Variants in GPR179 observed in about 807,000 individuals in gnomAD.
GPR179 encodes probable G protein-coupled receptor 179.
GPR179 carries 52 observed loss-of-function variants against 70.8 expected under a neutral mutation model. The ratio of observed to expected loss-of-function variants is 0.73; its 90% CI spans 0.59 to 0.93. The LOEUF is 0.93. Among genes scored for constraint, GPR179 ranks in the 40% least tolerant of loss-of-function variants. The pLI is 0.00. For synonymous variants in GPR179, 1,123 were observed against 1,169.0 expected, an observed-to-expected ratio of 0.96 and a Z score of 0.80; for missense variants, 2,734 against 2,966.8, an observed-to-expected ratio of 0.92 and a Z score of 1.82.
chr17:38,337,258 C>T, intron 3 of GPR179, 45 bp from the exon 4 acceptor site: 3 of 1,534,122 alleles, frequency 2.0e-6, no homozygotes, highest in South Asian at 2.4e-5. Context: ...CCAGCTAGAG[C>T]ATCCTGACAT....
In GPR179 at chr17:38,330,620, T is replaced by G. The variant is rs767125512; in HGVS notation, c.2949A>C (p.Pro983=). 1.3e-6 allele frequency: 2 copies of G among 1,579,792 alleles called. No individual in the cohort carries two copies. The highest frequency in any genetic ancestry group is 3.7e-5 in the Admixed American group (2 of 54,652). The change falls in exon 11 of 11, where the codon CCA becomes CCC. Residue 983 remains proline, a synonymous_variant. Transcript: ENST00000616987. ...TGTAGGTGAGTAAGTTGGGGCTTTG[T>G]GGGGATACTGGGACTGGTGCCAGGG... ...APALAPVPVS[P]QSPNLLTYIC...
In GPR179 at chr17:38,333,294, G is replaced by A. The variant is rs2144266965; in HGVS notation, c.1994C>T (p.Ala665Val). The A allele has an allele frequency of 1.1e-5, 18 of 1,614,072 alleles. No homozygotes were observed. Among genetic ancestry groups the A allele is most frequent in the Non-Finnish European group, 1.4e-5 (17 of 1,179,966 alleles). ...CAGGCTGTGCTCACTCCAGGCTGAGGCGATGCTGCTGCCAAGGTAGGAGCC... is the reference window on the plus strand; with the variant it reads ...CAGGCTGTGCTCACTCCAGGCTGAGACGATGCTGCTGCCAAGGTAGGAGCC... The part of the protein sequence containing the change: ...HSGSYLGSSI[A>V]SAWSEHSLDP... Residue 665 changes from alanine (A) to valine (V), a missense_variant, in exon 10 of 11, where the codon GCC becomes GTC. Ala to Val is a moderately conservative substitution (Grantham distance 64). Coordinates refer to ENST00000616987, the MANE Select transcript of GPR179 (RefSeq NM_001004334.4).
At chr17:38,339,664 A>G (rs1567727485) in intron 1 of GPR179, 139 bp from the exon 2 acceptor site, 1 of 639,004 alleles carries the variant, frequency 1.6e-6, no homozygotes. Flanking sequence ...ACTAAAGGAG[A>G]TTAGAAGGGT....
Position 38,327,935 on chromosome 17 carries a change from G to A in GPR179, c.5634C>T (p.Asn1878=). The change falls in exon 11 of 11, where the codon AAC becomes AAT. Residue 1878 remains asparagine, a synonymous_variant. Transcript: ENST00000616987. ...QQQETICIWE[N]KDLRESPAQA... is the part of the protein sequence containing the mutation. ...GAGCAGGGGATTCCCTCAAGTCCTT[G>A]TTCTCCCAAATACAAATAGTTTCCT... The A allele has an allele frequency of 1.9e-6, 3 of 1,614,162 alleles. No homozygotes were observed. The highest frequency in any genetic ancestry group is 2.5e-6 in the Non-Finnish European group (3 of 1,180,036).
At chr17:38,339,990 G>A (rs1423518977) in intron 1 of GPR179, among the ~76,000 whole-genome samples, 1 of 152,238 alleles carries the variant, frequency 6.6e-6, no homozygotes, top group East Asian at 1.9e-4. Flanking sequence ...CAGGCCAAGA[G>A]GAAGCTGAAC....
In GPR179 at chr17:38,343,484, A is replaced by G; in HGVS notation, c.306T>C (p.Leu102=). ...TGTTGAGAAAATTGGCGGCCTGGGCAAGGGTGCCCGCTGCCCCCTGTAGGC... is the reference window on the plus strand; with the variant it reads ...TGTTGAGAAAATTGGCGGCCTGGGCGAGGGTGCCCGCTGCCCCCTGTAGGC... ...PPSLQGAAGT[L]AQAANFLNML... The change falls in exon 1 of 11, where the codon CTT becomes CTC. Residue 102 remains leucine, a synonymous_variant. Transcript: ENST00000616987. This position sits in a 1 kb window ranked among gnomAD's most constrained non-coding sequence, Gnocchi z 4.2. 1 of 1,613,910 alleles carries G rather than the reference A, an allele frequency of 6.2e-7. No homozygotes were observed. The highest frequency in any genetic ancestry group is 8.5e-7 in the Non-Finnish European group (1 of 1,180,010).
chr17:38,337,774 C>G (rs2037419053), intron 2 of GPR179, 54 bp from the exon 3 acceptor site: 2 of 1,498,632 alleles, frequency 1.3e-6, no homozygotes, highest in East Asian at 2.3e-5. Context: ...TCTGGAAGAG[C>G]TTTCCCTCCT....
chr17:38,336,250 C>A (rs929306419), intron 4 of GPR179, 106 bp from the exon 5 acceptor site: 24 of 796,008 alleles, frequency 3.0e-5, no homozygotes, highest in Non-Finnish European at 5.0e-5. Flanking sequence ...AAGGCTTCAC[C>A]CTGTAACACT....
chr17:38,339,567 C>A, intron 1 of GPR179, 42 bp from the exon 2 acceptor site: 2 of 1,384,080 alleles, frequency 1.4e-6, no homozygotes, highest in Non-Finnish European at 2.1e-6. Flanking sequence ...GTGATTGATG[C>A]CAAAGTGGAC....
In GPR179 at chr17:38,334,995, G is replaced by T. The variant is rs767411691; in HGVS notation, c.1645+38C>A. 6.3e-7 allele frequency: 1 copy of T among 1,587,316 alleles called. No individual in the cohort carries two copies. The highest frequency in any genetic ancestry group is 1.1e-5 in the South Asian group (1 of 89,800). ...AGGAACCCTGGAGGCACAGAGGCAG[G>T]GACCAGCGTAAGGCTGGGCTCAGCA... is the stretch of plus-strand genomic sequence containing the variant. On this transcript the variant is annotated intron_variant, in intron 7 of 10. Transcript: ENST00000616987. This position sits in a 1 kb window ranked among gnomAD's most constrained non-coding sequence, Gnocchi z 4.7.
At chr17:38,331,635 C>CT in intron 10 of GPR179, 104 bp from the exon 11 acceptor site, 2 of 1,493,770 alleles carry the variant, frequency 1.3e-6, no homozygotes, top group Non-Finnish European at 1.8e-6. Flanking sequence ...TTAGGGATCT[C>CT]TTTCCATCAA....
chr17:38,334,125 C>G lies in GPR179; in HGVS notation c.1785-87G>C. ...TTCTCACTGGCGTTTCACCTCAGCC[C>G]CAACCCTGATACGCTTAGGACGAGG... On this transcript the variant is annotated intron_variant, in intron 8 of 10. Coordinates refer to ENST00000616987, the MANE Select transcript of GPR179 (RefSeq NM_001004334.4). The surrounding 1 kb of genome is among the most constrained non-coding windows in gnomAD (Gnocchi z 4.7). The G allele has an allele frequency of 1.1e-6, 1 of 941,324 alleles. No homozygotes were observed. Among genetic ancestry groups the G allele is most frequent in the Non-Finnish European group, 1.7e-6 (1 of 573,166 alleles). 58.3% of individuals were successfully genotyped at this position (941,324 alleles called of 1,614,324 possible).
At position 38,331,425 on chromosome 17, in the gene GPR179, A is replaced by G; in HGVS notation, c.2144T>C (p.Leu715Pro). Residue 715 changes from leucine to proline, a missense_variant, in exon 11 of 11, where the codon CTG (leucine) becomes CCG (proline). Coordinates refer to ENST00000616987, the MANE Select transcript of GPR179 (RefSeq NM_001004334.4). ...CAGGTACCTCATGAAGGAGCGGCCC[A>G]GTCCCTGGCATGAGCTGCCTCGCTT... ...PKKRGSSCQG[L>P]GRSFMRYLAE... 6.2e-7 allele frequency: 1 copy of G among 1,614,166 alleles called. No homozygotes were observed. The highest frequency in any genetic ancestry group is 8.5e-7 in the Non-Finnish European group (1 of 1,180,010).
In GPR179 at chr17:38,330,812, C is replaced by A; in HGVS notation, c.2757G>T (p.Arg919Ser). The A allele has an allele frequency of 6.2e-7, 1 of 1,604,534 alleles. No individual in the cohort carries two copies. Among genetic ancestry groups the A allele is most frequent in the Middle Eastern group, 1.7e-4 (1 of 5,980 alleles). ...SSVDSSHTSG[R>S]LHEEARRRLP... The stretch of plus-strand genomic sequence containing the variant: ...GCCTTCTCCTAGCCTCCTCATGAAG[C>A]CTCCCAGAGGTGTGAGAGCTGTCCA... Residue 919 changes from arginine to serine, a missense_variant, in exon 11 of 11, where the codon AGG (arginine) becomes AGT (serine). By Grantham distance (110) the Arg-to-Ser change is moderately radical (BLOSUM62 -1). Transcript: ENST00000616987.
Position 38,343,633 on chromosome 17 carries a change from G to A in GPR179, c.157C>T (p.Leu53=), listed in dbSNP as rs1328814736. 6 of 1,613,756 alleles carry A rather than the reference G, an allele frequency of 3.7e-6. No homozygotes were observed. The highest frequency in any genetic ancestry group is 1.3e-5 in the African/African-American group (1 of 75,034). ...GCGAGGGCGGCCTCGGCCCCCTCTA[G>A]GGGCACCTGCATGGGTACAGATCCT... The part of the protein sequence containing the change: ...KPGSVPMQVP[L]EGAEAALAYL... The change falls in exon 1 of 11, where the codon CTA becomes TTA. Residue 53 remains leucine, a synonymous_variant. Coordinates refer to ENST00000616987, the MANE Select transcript of GPR179 (RefSeq NM_001004334.4). The surrounding 1 kb of genome is among the most constrained non-coding windows in gnomAD (Gnocchi z 4.2).
At position 38,329,875 on chromosome 17, in the gene GPR179, A is replaced by T. The variant is rs1223816687; in HGVS notation, c.3694T>A (p.Ser1232Thr). The T allele has an allele frequency of 6.2e-7, 1 of 1,613,984 alleles. No individual in the cohort carries two copies. Among genetic ancestry groups the T allele is most frequent in the Non-Finnish European group, 8.5e-7 (1 of 1,179,992 alleles). ...WQELPKAGLQ[S>T]LGSADHRVAE... The stretch of plus-strand genomic sequence containing the variant: ...ACCCTGTGGTCAGCGCTGCCCAGGG[A>T]CTGGAGGCCAGCTTTGGGCAGTTCC... The change falls in exon 11 of 11, where the codon TCC becomes ACC. Residue 1232 changes from serine (S) to threonine (T), a missense_variant. Transcript: ENST00000616987.
rs1238528848 is a variant in GPR179 at position 38,326,579 on chromosome 17, G to A, written c.6990C>T (p.Leu2330=). 1.9e-6 allele frequency: 3 copies of A among 1,614,082 alleles called. No homozygotes were observed. Among genetic ancestry groups the A allele is most frequent in the South Asian group, 2.2e-5 (2 of 91,084 alleles). The change falls in exon 11 of 11, where the codon CTC becomes CTT. Residue 2330 remains leucine, a synonymous_variant. Coordinates refer to ENST00000616987, the MANE Select transcript of GPR179 (RefSeq NM_001004334.4). The part of the protein sequence containing the change: ...PRTSLAPEPS[L]QEAESQSSSL... ...ACGAAGACTGAGACTCAGCTTCCTGGAGACTTGGCTCTGGGGCTAAGCTGG... is the reference window on the plus strand; with the variant it reads ...ACGAAGACTGAGACTCAGCTTCCTGAAGACTTGGCTCTGGGGCTAAGCTGG...
Position 38,331,171 on chromosome 17 carries a change from G to A in GPR179, c.2398C>T (p.Arg800Ter), listed in dbSNP as rs1178399696. ...TCCACCGACTCCCGGCTCTCTGTTC[G>A]AGAGGCCTTCTTGGCCAGCTTCCTC... ...LRRKLAKKAS[R>*]TESRESVEGP... Residue 800 changes from arginine to a stop codon, truncating the protein, a stop_gained, in exon 11 of 11, where the codon CGA (arginine) becomes TGA (stop). Coordinates refer to ENST00000616987, the MANE Select transcript of GPR179 (RefSeq NM_001004334.4). LOFTEE classifies it low-confidence loss of function (END_TRUNC). 9.3e-6 allele frequency: 15 copies of A among 1,608,272 alleles called. No homozygotes were observed. The highest frequency in any genetic ancestry group is 1.7e-4 in the Middle Eastern group (1 of 5,988).
intron 1 of GPR179, among the ~76,000 whole-genome samples, chr17:38,339,889 C>A (rs2037435886): frequency 6.6e-6 from 1 of 152,222 alleles, no homozygotes. Flanking sequence ...AAGAAATTCT[C>A]TGGCCTGCCT....
Sources: allele counts gnomAD v4.1 joint callset (sites outside exome capture counted in the v4.1 genomes callset), GRCh38; gene constraint gnomAD v4.1.1; non-coding constraint Gnocchi (gnomAD v3.1); transcripts MANE v1.5; gene names NCBI Gene and HGNC (gene_info 2026-07-23, HGNC 2026-07-21).